Variants in GHR observed in about 807,000 individuals in gnomAD.
GHR encodes growth hormone receptor.
A neutral mutation model predicts 67.1 loss-of-function variants in GHR; 35 were observed. The observed-to-expected ratio is 0.52, with a 90% CI of 0.40 to 0.69. GHR has a LOEUF of 0.69. Among genes scored for constraint, GHR ranks in the 30% least tolerant of loss-of-function variants. The pLI is 0.00. For synonymous variants in GHR, 272 were observed against 269.1 expected, an observed-to-expected ratio of 1.01 and a Z score of -0.10; for missense variants, 792 against 764.6, an observed-to-expected ratio of 1.04 and a Z score of -0.42.
chr5:42,563,993 A>C (rs1749780784), intron 1 of GHR, among the ~76,000 whole-genome samples: 1 of 152,118 alleles, frequency 6.6e-6, no homozygotes, highest in Non-Finnish European at 1.5e-5. Flanking sequence ...CTCATTTGCA[A>C]AGTAGACGAG....
chr5:42,474,325 G>GAAAGAAAGAAAGAAAGAAAGAAAGAA (rs1554054628), intron 1 of GHR, among the ~76,000 whole-genome samples: 4 of 132,448 alleles, frequency 3.0e-5, no homozygotes, highest in South Asian at 2.6e-4. Context: ...AAGAAAGAAA[G>GAAAGAAAGAAAGAAAGAAAGAAAGAA]AAAGAAAGAA....
intron 6 of GHR, among the ~76,000 whole-genome samples, chr5:42,710,579 A>ACTTTT (rs1277588213): frequency 1.3e-5 from 2 of 151,998 alleles, no homozygotes; most frequent in Non-Finnish European, 2.9e-5. Context: ...AACTCCGGTG[A>ACTTTT]CTTTTCTTTG....
intron 3 of GHR, among the ~76,000 whole-genome samples, chr5:42,661,745 C>A (rs1466706808): frequency 3.3e-5 from 5 of 152,130 alleles, no homozygotes; most frequent in African/African-American, 9.7e-5. Context: ...ATCAAATTCA[C>A]ACATAACAAT....
chr5:42,592,885 G>T (rs1751864719), intron 2 of GHR, among the ~76,000 whole-genome samples: 1 of 152,086 alleles, frequency 6.6e-6, no homozygotes, highest in Admixed American at 6.6e-5. Flanking sequence ...CTTTTTCTCT[G>T]CAACCTTGCC....
chr5:42,488,162 T>C (rs1745960873), intron 1 of GHR, among the ~76,000 whole-genome samples: 1 of 152,252 alleles, frequency 6.6e-6, no homozygotes, highest in Non-Finnish European at 1.5e-5. Flanking sequence ...AAAACTTTTA[T>C]GAACTCTGAT....
intron 1 of GHR, among the ~76,000 whole-genome samples, chr5:42,552,278 G>C (rs1278801106): frequency 6.6e-6 from 1 of 152,176 alleles, no homozygotes; most frequent in Non-Finnish European, 1.5e-5. Flanking sequence ...AGATAGACTG[G>C]CCTTCCTGCT....
intron 1 of GHR, among the ~76,000 whole-genome samples, chr5:42,463,372 A>G (rs1467665266): frequency 6.6e-6 from 1 of 152,240 alleles, no homozygotes; most frequent in Non-Finnish European, 1.5e-5. Flanking sequence ...TGAAAATAAA[A>G]TTACATCCCA....
chr5:42,475,434 A>ATT (rs36088008), intron 1 of GHR, among the ~76,000 whole-genome samples: 29 of 151,594 alleles, frequency 1.9e-4, no homozygotes, highest in African/African-American at 6.3e-4. Context: ...TATTATGGTC[A>ATT]TTTTTTTTAT....
chr5:42,635,790 A>G lies in GHR; in HGVS notation c.136+6687A>G, dbSNP rs187305950. Among the ~76,000 whole-genome samples the G allele has an allele frequency of 1.0e-3, 154 of 152,344 alleles. 1 individual carries two copies. The highest frequency in any genetic ancestry group is 3.7e-3 in the African/African-American group (152 of 41,582). On this transcript the variant is annotated intron_variant, in intron 3 of 9. Coordinates refer to ENST00000230882, the MANE Select transcript of GHR (RefSeq NM_000163.5). Reference sequence around the variant, plus strand: ...ACTATTAATGAAACCTTTGGAATGCAGGTCCCTTCTGGTTGTAAACATATA... The same window carrying G: ...ACTATTAATGAAACCTTTGGAATGCGGGTCCCTTCTGGTTGTAAACATATA...
At chr5:42,702,134 A>G (rs1307851625) in intron 6 of GHR, among the ~76,000 whole-genome samples, 1 of 152,152 alleles carries the variant, frequency 6.6e-6, no homozygotes, top group Non-Finnish European at 1.5e-5. Flanking sequence ...ACCATTTTGC[A>G]CAATAGATTT....
chr5:42,571,759 C>A (rs1454697653), intron 2 of GHR, among the ~76,000 whole-genome samples: 5 of 152,232 alleles, frequency 3.3e-5, no homozygotes, highest in Admixed American at 3.3e-4. Flanking sequence ...CTTACGGGAA[C>A]AGAGCCAGTC....
At chr5:42,544,653 G>T (rs1263075244) in intron 1 of GHR, among the ~76,000 whole-genome samples, 1 of 152,046 alleles carries the variant, frequency 6.6e-6, no homozygotes, top group African/African-American at 2.4e-5. Context: ...CCCTTGTTTT[G>T]ACTGTCACTC....
At chr5:42,558,074 A>T (rs769640712) in intron 1 of GHR, among the ~76,000 whole-genome samples, 1 of 152,156 alleles carries the variant, frequency 6.6e-6, no homozygotes, top group Non-Finnish European at 1.5e-5. Context: ...CTTTTTTTAA[A>T]TTCCAGGGAG....
At chr5:42,458,218 C>T (rs562626933) in intron 1 of GHR, among the ~76,000 whole-genome samples, 1 of 152,044 alleles carries the variant, frequency 6.6e-6, no homozygotes, top group South Asian at 2.1e-4. Flanking sequence ...TTCATTCTCT[C>T]ACTTCAAATC....
chr5:42,513,229 T>C (rs1033473066), intron 1 of GHR, among the ~76,000 whole-genome samples: 3 of 152,208 alleles, frequency 2.0e-5, no homozygotes, highest in African/African-American at 7.2e-5. Flanking sequence ...ATTTCAATTG[T>C]GTAGGAGCAG....
At chr5:42,474,325 G>GAAAGAAAGAAAGAAAGAAAGAA (rs1554054628) in intron 1 of GHR, among the ~76,000 whole-genome samples, 4 of 132,300 alleles carry the variant, frequency 3.0e-5, no homozygotes, top group African/African-American at 1.1e-4. Flanking sequence ...AAGAAAGAAA[G>GAAAGAAAGAAAGAAAGAAAGAA]AAAGAAAGAA....
rs1158830359 is a variant in GHR at position 42,424,171 on chromosome 5, AGTGTGTGTGTGTGTGT to A, written c.-12+249_-12+264del. 2.9e-4 allele frequency among the ~76,000 whole-genome samples: 29 copies of A among 100,580 alleles called. No homozygotes were observed. In the South Asian group the frequency reaches 4.0e-3, roughly 14 times the overall value. 66.0% of individuals were successfully genotyped at this position (100,580 alleles called of 152,430 possible). A position where few individuals can be genotyped will look rare whatever the true frequency, so the allele number is the denominator to read the frequency against. ...CTGGTGGGTTGTTGTAACCCAATCT[AGTGTGTGTGTGTGTGT>A]GTGTGTGTGTGTGTGTGTGTGTGTG... On this transcript the variant is annotated intron_variant, in intron 1 of 9. Transcript: ENST00000230882. This position sits in a 1 kb window ranked among gnomAD's most constrained non-coding sequence, Gnocchi z 4.1.
chr5:42,552,627 A>G (rs918473262), intron 1 of GHR, among the ~76,000 whole-genome samples: 2 of 152,202 alleles, frequency 1.3e-5, no homozygotes, highest in Non-Finnish European at 2.9e-5. Context: ...GAGCCAATAC[A>G]CCAAAATGCC....
chr5:42,709,080 T>C (rs1295350688), intron 6 of GHR, among the ~76,000 whole-genome samples: 6 of 152,206 alleles, frequency 3.9e-5, no homozygotes, highest in African/African-American at 1.4e-4. Flanking sequence ...CTAGTGTGTG[T>C]CGCTTGCATC....
Sources: allele counts gnomAD v4.1 joint callset (sites outside exome capture counted in the v4.1 genomes callset), GRCh38; gene constraint gnomAD v4.1.1; non-coding constraint Gnocchi (gnomAD v3.1); transcripts MANE v1.5; gene names NCBI Gene and HGNC (gene_info 2026-07-23, HGNC 2026-07-21).